The following ATAD5 variants were observed in gnomAD, a reference collection of about 807,000 sequenced individuals.
ATAD5 encodes ATPase family AAA domain-containing protein 5.
Under a neutral mutation model 176.9 loss-of-function variants are expected in ATAD5, and 58 were observed. The ratio of observed to expected loss-of-function variants is 0.33; its 90% CI spans 0.27 to 0.41. The LOEUF (loss-of-function observed/expected upper bound fraction) is 0.41. ATAD5 is among the 10% of genes least tolerant of loss of function. The pLI is 1.00. For synonymous variants in ATAD5, 640 were observed against 712.6 expected (o/e 0.90, Z 1.62); for missense variants, 1,789 against 2,094.1 (o/e 0.85, Z 2.84).
intron 18 of ATAD5, among the ~76,000 whole-genome samples, chr17:30,881,089 TC>T (rs1486562068): frequency 6.8e-6 from 1 of 147,746 alleles, no homozygotes; most frequent in Non-Finnish European, 1.5e-5. Flanking sequence ...TTTTCCTTTT[TC>T]TTTTTTTTCA....
intron 2 of ATAD5, 68 bp downstream of exon 2, chr17:30,836,116 T>C (rs1905729658): frequency 7.4e-7 from 1 of 1,343,966 alleles, no homozygotes; most frequent in East Asian, 2.4e-5. Flanking sequence ...CAAAAATGCT[T>C]CAAGTATTGG....
Position 30,895,232 on chromosome 17 carries a change from G to A in ATAD5, c.*319G>A, listed in dbSNP as rs1183931615. ...TTTCAAGTGTTTATATTATATATTA[G>A]CTTAATATTCAGATACATTATCTTG... On this transcript the variant is annotated 3_prime_UTR_variant, in exon 23 of 23. Transcript: ENST00000321990. 2 of 177,946 alleles carry A rather than the reference G, an allele frequency of 1.1e-5. No homozygotes were observed. The highest frequency in any genetic ancestry group is 2.3e-5 in the Non-Finnish European group (2 of 85,792). The allele number at this position is 177,946 out of a possible 1,614,324, so 11.0% of individuals were successfully genotyped here.
chr17:30,860,723 T>C, intron 10 of ATAD5, 111 bp downstream of exon 10: 2 of 899,572 alleles, frequency 2.2e-6, no homozygotes, highest in Non-Finnish European at 3.1e-6. Flanking sequence ...TTAATTCAAT[T>C]GTATTTTAAT....
chr17:30,859,182 C>T (rs1030515373), intron 9 of ATAD5, among the ~76,000 whole-genome samples: 1 of 152,066 alleles, frequency 6.6e-6, no homozygotes, highest in East Asian at 1.9e-4. Flanking sequence ...CATTAATCCC[C>T]GCCAGTTTCC....
chr17:30,887,401 C>A (rs1909381260), intron 19 of ATAD5, 29 bp downstream of exon 19: 1 of 1,555,230 alleles, frequency 6.4e-7, no homozygotes, highest in African/African-American at 1.4e-5. Flanking sequence ...AAAGAAATTT[C>A]TATTATGGGA....
At chr17:30,855,099 G>A in intron 6 of ATAD5, 44 bp from the exon 7 acceptor site, 1 of 1,493,568 alleles carries the variant, frequency 6.7e-7, no homozygotes, top group Non-Finnish European at 9.0e-7. Context: ...TCCTTTAAAT[G>A]TTTATAACCT....
chr17:30,868,849 CTTTT>C (rs568729653), intron 12 of ATAD5, among the ~76,000 whole-genome samples: 1 of 131,680 alleles, frequency 7.6e-6, no homozygotes. Context: ...TGATTTTCTA[CTTTT>C]TTTTTTTTTT....
intron 3 of ATAD5, among the ~76,000 whole-genome samples, chr17:30,840,004 G>T (rs935671953): frequency 2.0e-5 from 3 of 151,836 alleles, no homozygotes; most frequent in African/African-American, 7.3e-5. Flanking sequence ...TTTGAGACCA[G>T]CCTGGCCAAC....
chr17:30,836,165 A>G (rs576218995), intron 2 of ATAD5, 117 bp downstream of exon 2: 4 of 915,862 alleles, frequency 4.4e-6, no homozygotes, highest in African/African-American at 1.7e-5. Flanking sequence ...GTTTAAAAGA[A>G]AAAGAACAGG....
chr17:30,858,140 G>A (rs770219821), intron 8 of ATAD5, 21 bp from the exon 9 acceptor site: 13 of 1,496,110 alleles, frequency 8.7e-6, no homozygotes, highest in Non-Finnish European at 8.9e-6. Flanking sequence ...CTGTTATTGT[G>A]CATTTTATTC....
rs184392074 is a variant in ATAD5 at position 30,894,111 on chromosome 17, G to A, written c.5258G>A (p.Arg1753His). The A allele has an allele frequency of 6.3e-5, 100 of 1,595,472 alleles. No homozygotes were observed. The highest frequency in any genetic ancestry group is 1.9e-4 in the Admixed American group (11 of 58,014). Residue 1753 changes from arginine (R) to histidine (H), a missense_variant, in exon 21 of 23, where the codon CGC (arginine) becomes CAC (histidine). By Grantham distance (29) the Arg-to-His change is conservative. Coordinates refer to ENST00000321990, the MANE Select transcript of ATAD5 (RefSeq NM_024857.5). ...CTTACTTTTTATGTTTCACAAAAGC[G>A]CAATAATGTATACTTTAGTCAGTCA... ...NDLTFYVSQK[R>H]NNVYFSQSAA... is the part of the protein sequence containing the mutation.
chr17:30,843,233 T>C (rs1234389976), intron 4 of ATAD5, among the ~76,000 whole-genome samples: 3 of 151,734 alleles, frequency 2.0e-5, no homozygotes, highest in Non-Finnish European at 1.5e-5. Context: ...GCGCCTGTAG[T>C]CCTGGCTTCT....
Position 30,868,426 on chromosome 17 carries a change from CTTTTT to C in ATAD5, c.3313+25_3313+29del. ...AGAAACATGAAGGTATTTTGTGTGTCTTTTTTTTTTTTTTTACCATTTCACTGAAC... is the reference window on the plus strand; with the variant it reads ...AGAAACATGAAGGTATTTTGTGTGTCTTTTTTTTTTACCATTTCACTGAAC... On this transcript the variant is annotated intron_variant, in intron 12 of 22. Coordinates refer to ENST00000321990, the MANE Select transcript of ATAD5 (RefSeq NM_024857.5). The C allele has an allele frequency of 2.5e-5, 30 of 1,220,582 alleles. No homozygotes were observed. The highest frequency in any genetic ancestry group is 2.4e-4 in the Middle Eastern group (1 of 4,236). 75.6% of individuals were successfully genotyped at this position (1,220,582 alleles called of 1,614,324 possible).
chr17:30,842,041 C>T lies in ATAD5; in HGVS notation c.2241+1260C>T, dbSNP rs1402962385. Among the ~76,000 whole-genome samples, 7 of 152,144 alleles carry T rather than the reference C, an allele frequency of 4.6e-5. 1 individual carries two copies. In the South Asian group the frequency reaches 6.2e-4, roughly 13 times the overall value. On this transcript the variant is annotated intron_variant, in intron 4 of 22. Transcript: ENST00000321990. ...ATCCCAGCACTTTGAGAGGCTGAGG[C>T]GGGAGGATCACGAGGTCAGGAGTTT...
intron 2 of ATAD5, 58 bp from the exon 3 acceptor site, chr17:30,837,148 G>A (rs776903240): frequency 5.0e-5 from 48 of 964,632 alleles, no homozygotes; most frequent in Middle Eastern, 6.3e-4. Context: ...ATTTAATTGA[G>A]ATTCTTGTGT....
At chr17:30,853,021 C>T (rs1364006293) in intron 6 of ATAD5, among the ~76,000 whole-genome samples, 1 of 151,838 alleles carries the variant, frequency 6.6e-6, no homozygotes, top group African/African-American at 2.4e-5. Flanking sequence ...TCCCGAGTAG[C>T]TGGGATTACA....
At chr17:30,851,043 C>T (rs1906929794) in intron 6 of ATAD5, among the ~76,000 whole-genome samples, 1 of 144,798 alleles carries the variant, frequency 6.9e-6, no homozygotes, top group African/African-American at 2.5e-5. Flanking sequence ...TGCCACCACA[C>T]CCCGCTAATT....
In ATAD5 at chr17:30,892,589, T is replaced by C. The variant is rs778632961; in HGVS notation, c.4259-18T>C. ...GTTTAATACATATATAGAGCTAAGA[T>C]TTTCTTTTATTTTGTAGGTGGAAAT... is the stretch of plus-strand genomic sequence containing the variant. On this transcript the variant is annotated intron_variant, in intron 19 of 22. Coordinates refer to ENST00000321990, the MANE Select transcript of ATAD5 (RefSeq NM_024857.5). 2.6e-6 allele frequency: 4 copies of C among 1,524,182 alleles called. No homozygotes were observed. The highest frequency in any genetic ancestry group is 3.5e-6 in the Non-Finnish European group (4 of 1,139,200). 94.4% of individuals were successfully genotyped at this position (1,524,182 alleles called of 1,614,324 possible).
chr17:30,884,165 CTTT>C (rs1000973914), intron 18 of ATAD5, among the ~76,000 whole-genome samples: 1 of 141,730 alleles, frequency 7.1e-6, no homozygotes. Context: ...TTGTGACCGG[CTTT>C]TTTTTTTTTG....
Sources: allele counts gnomAD v4.1 joint callset (sites outside exome capture counted in the v4.1 genomes callset), GRCh38; gene constraint gnomAD v4.1.1; transcripts MANE v1.5; gene names NCBI Gene and HGNC (gene_info 2026-07-23, HGNC 2026-07-21).